Variants in CFAP69 observed in about 807,000 individuals in gnomAD.
CFAP69 encodes cilia and flagella associated protein 69, also known as cilia- and flagella-associated protein 69.
In CFAP69, 92 loss-of-function variants were observed where a neutral mutation model predicts 123.0. That is an observed-to-expected ratio of 0.75 (90% CI 0.63 to 0.89). CFAP69 has a LOEUF of 0.89. Ranked by LOEUF, CFAP69 falls within the 40% of genes least tolerant of loss-of-function variation. The pLI is 0.00. For missense variants in CFAP69, 1,067 were observed against 1,096.9 expected (o/e 0.97, Z 0.39); for synonymous variants, 380 against 364.3 (o/e 1.04, Z -0.49).
chr7:90,289,009 A>G (rs1327140696), intron 15 of CFAP69, among the ~76,000 whole-genome samples: 1 of 151,732 alleles, frequency 6.6e-6, no homozygotes, highest in Non-Finnish European at 1.5e-5. Context: ...TTATATTTTT[A>G]TTCTATAAGT....
chr7:90,267,903 G>A (rs1307887653), intron 5 of CFAP69, among the ~76,000 whole-genome samples: 1 of 152,172 alleles, frequency 6.6e-6, no homozygotes, highest in Non-Finnish European at 1.5e-5. Flanking sequence ...AATCTTAAAT[G>A]TGGTAACTAT....
chr7:90,288,957 A>G (rs1397570802), intron 15 of CFAP69, among the ~76,000 whole-genome samples: 1 of 151,924 alleles, frequency 6.6e-6, no homozygotes, highest in African/African-American at 2.4e-5. Context: ...TTAGCTTAAA[A>G]TACAAATACA....
At chr7:90,254,084 T>G (rs191845729) in intron 1 of CFAP69, among the ~76,000 whole-genome samples, 27 of 152,350 alleles carry the variant, frequency 1.8e-4, no homozygotes, top group African/African-American at 6.0e-4. Context: ...CACCATTTAT[T>G]GAAGAGACTG....
intron 15 of CFAP69, among the ~76,000 whole-genome samples, chr7:90,292,586 T>C (rs1043645459): frequency 2.0e-5 from 3 of 152,212 alleles, no homozygotes; most frequent in Admixed American, 2.0e-4. Context: ...CGAATAGTTG[T>C]CAAATTCTGG....
chr7:90,297,916 T>C (rs997568761), intron 16 of CFAP69, 86 bp downstream of exon 16: 6 of 871,182 alleles, frequency 6.9e-6, no homozygotes, highest in Non-Finnish European at 1.1e-5. Flanking sequence ...AGAGCACAAG[T>C]CTATGAATAA....
chr7:90,247,148 C>A (rs1199659415), intron 1 of CFAP69, among the ~76,000 whole-genome samples: 1 of 152,152 alleles, frequency 6.6e-6, no homozygotes, highest in Non-Finnish European at 1.5e-5. Context: ...CTTAGTGATC[C>A]TCAGCCTTCT....
intron 20 of CFAP69, 130 bp from the exon 21 acceptor site, chr7:90,307,638 A>C (rs773502347): frequency 2.0e-5 from 11 of 554,334 alleles, no homozygotes; most frequent in Admixed American, 1.1e-4. Flanking sequence ...TACAGTCTTA[A>C]ATTTTTAAAA....
At chr7:90,250,486 A>C (rs1461975368) in intron 1 of CFAP69, among the ~76,000 whole-genome samples, 2 of 152,350 alleles carry the variant, frequency 1.3e-5, no homozygotes, top group East Asian at 3.9e-4. Flanking sequence ...CTTTCCCTGT[A>C]ACTGAGTATC....
At chr7:90,259,600 C>T (rs1293079356) in intron 3 of CFAP69, among the ~76,000 whole-genome samples, 4 of 152,108 alleles carry the variant, frequency 2.6e-5, no homozygotes, top group Non-Finnish European at 4.4e-5. Flanking sequence ...AAGCGATCCT[C>T]TCACCTCAGC....
the CFAP69 span, chr7:90,318,604 A>C: frequency 6.6e-6 from 1 of 152,034 alleles, no homozygotes; most frequent in Non-Finnish European, 1.5e-5. Context: ...TATTCCATTG[A>C]CTATTGTATC....
At chr7:90,281,707 G>A (rs1319086881) in intron 12 of CFAP69, among the ~76,000 whole-genome samples, 1 of 152,086 alleles carries the variant, frequency 6.6e-6, no homozygotes, top group Admixed American at 6.5e-5. Flanking sequence ...GTGTAGGAAA[G>A]GTTTCTTTAA....
intron 1 of CFAP69, among the ~76,000 whole-genome samples, chr7:90,252,201 T>C (rs575668940): frequency 6.6e-6 from 1 of 150,746 alleles, no homozygotes; most frequent in Non-Finnish European, 1.5e-5. Flanking sequence ...ACAGCTGAGG[T>C]AGTGGTGGAT....
chr7:90,296,177 A>C (rs1238594919), intron 15 of CFAP69, among the ~76,000 whole-genome samples: 1 of 152,164 alleles, frequency 6.6e-6, no homozygotes, highest in Admixed American at 6.5e-5. Context: ...TCAACTGCAA[A>C]GATGAGATAT....
chr7:90,317,118 TTTAATGATAAAGAA>T, the CFAP69 span: 1 of 151,778 alleles, frequency 6.6e-6, no homozygotes, highest in East Asian at 1.9e-4. Flanking sequence ...CCAAAAGCAG[TTTAATGATAAAGAA>T]CACAGATGTT....
chr7:90,260,313 G>T (rs1413269965), intron 3 of CFAP69, among the ~76,000 whole-genome samples: 1 of 151,902 alleles, frequency 6.6e-6, no homozygotes, highest in Non-Finnish European at 1.5e-5. Context: ...ATCATTTGAG[G>T]CCAGGAGTTT....
intron 6 of CFAP69, among the ~76,000 whole-genome samples, chr7:90,268,758 G>A (rs1799524344): frequency 6.6e-6 from 1 of 151,830 alleles, no homozygotes; most frequent in Non-Finnish European, 1.5e-5. Context: ...CCAATGCCAG[G>A]GCCATTCTCC....
At chr7:90,297,022 G>A (rs1050022276) in intron 15 of CFAP69, among the ~76,000 whole-genome samples, 2 of 152,120 alleles carry the variant, frequency 1.3e-5, no homozygotes, top group Admixed American at 1.3e-4. Flanking sequence ...GAGGGGATTC[G>A]CTACAGAATG....
At chr7:90,268,631 T>C (rs1799502569) in intron 6 of CFAP69, among the ~76,000 whole-genome samples, 1 of 152,174 alleles carries the variant, frequency 6.6e-6, no homozygotes, top group Admixed American at 6.5e-5. Context: ...CCCAATTTAG[T>C]TTATTAATAA....
Position 90,255,276 on chromosome 7 carries a change from A to C in CFAP69, c.121-147A>C, listed in dbSNP as rs1025799213. 1.5e-5 allele frequency: 8 copies of C among 525,460 alleles called. No homozygotes were observed. In the South Asian group the frequency reaches 2.8e-4, roughly 18 times the overall value. 32.5% of individuals were successfully genotyped at this position (525,460 alleles called of 1,614,324 possible). A position where few individuals can be genotyped will look rare whatever the true frequency, so the allele number is the denominator to read the frequency against. Reference sequence around the variant, plus strand: ...AATCTATTTATTCCTGTGAGTTTTCATCTACTGTTCATTCTCCCCTTACTA... The same window carrying C: ...AATCTATTTATTCCTGTGAGTTTTCCTCTACTGTTCATTCTCCCCTTACTA... On this transcript the variant is annotated intron_variant, in intron 1 of 22. Coordinates refer to ENST00000389297, the MANE Select transcript of CFAP69 (RefSeq NM_001039706.3).
Sources: allele counts gnomAD v4.1 joint callset (sites outside exome capture counted in the v4.1 genomes callset), GRCh38; gene constraint gnomAD v4.1.1; transcripts MANE v1.5; gene names NCBI Gene and HGNC (gene_info 2026-07-23, HGNC 2026-07-21).